The following WWOX variants were observed in gnomAD, a reference collection of about 807,000 sequenced individuals.
WWOX encodes WW domain-containing oxidoreductase.
Under a neutral mutation model 46.2 loss-of-function variants are expected in WWOX, and 69 were observed. The ratio of observed to expected loss-of-function variants is 1.49; its 90% confidence interval spans 1.23 to 1.82. The LOEUF is 1.82. Ranked by LOEUF, WWOX falls within the 40% of genes most tolerant of loss-of-function variation. The probability of loss-of-function intolerance (pLI) is 0.00; values close to 1 mark genes in which losing one functional copy is unlikely to be tolerated. For missense variants in WWOX, 919 were observed against 542.6 expected (o/e 1.69, Z -6.89); for synonymous variants, 359 against 202.6 (o/e 1.77, Z -6.56).
chr16:78,763,875 C>G (rs1355739999), intron 8 of WWOX, among the ~76,000 whole-genome samples: 1 of 152,120 alleles, frequency 6.6e-6, no homozygotes, highest in African/African-American at 2.4e-5. Flanking sequence ...TTTGGGGAGT[C>G]TGTATGCAAT....
At chr16:78,663,841 A>C (rs1400291513) in intron 8 of WWOX, among the ~76,000 whole-genome samples, 2 of 152,194 alleles carry the variant, frequency 1.3e-5, no homozygotes, top group Admixed American at 6.5e-5. Flanking sequence ...AGCAAGTGCA[A>C]AGGCCCTGGG....
At chr16:79,171,367 C>A (rs1377380834) in intron 8 of WWOX, among the ~76,000 whole-genome samples, 1 of 152,198 alleles carries the variant, frequency 6.6e-6, no homozygotes, top group Non-Finnish European at 1.5e-5. Flanking sequence ...ATTTCCCACA[C>A]TGAACAAATA....
intron 8 of WWOX, among the ~76,000 whole-genome samples, chr16:78,685,771 G>T (rs2047840903): frequency 6.6e-6 from 1 of 152,034 alleles, no homozygotes; most frequent in Non-Finnish European, 1.5e-5. Context: ...CTTGGCTTGT[G>T]TGTTTCTCCC....
intron 8 of WWOX, among the ~76,000 whole-genome samples, chr16:78,770,861 C>T (rs544154813): frequency 3.2e-4 from 48 of 152,346 alleles, no homozygotes; most frequent in African/African-American, 1.0e-3. Context: ...CATCTGTGGA[C>T]GGTTGGCACC....
chr16:78,330,205 TTTAAC>T (rs2080722257), intron 5 of WWOX, among the ~76,000 whole-genome samples: 2 of 152,310 alleles, frequency 1.3e-5, no homozygotes, highest in African/African-American at 2.4e-5. Flanking sequence ...TAATTGCTGA[TTTAAC>T]TTAATAAAAA....
At chr16:78,822,084 C>T (rs531281360) in intron 8 of WWOX, among the ~76,000 whole-genome samples, 44 of 152,088 alleles carry the variant, frequency 2.9e-4, no homozygotes, top group Middle Eastern at 3.2e-3. Flanking sequence ...AGTGCATTGG[C>T]CAGACTGACC....
intron 8 of WWOX, among the ~76,000 whole-genome samples, chr16:78,685,587 C>T (rs1019253659): frequency 3.9e-5 from 6 of 152,214 alleles, no homozygotes; most frequent in East Asian, 1.9e-4. Context: ...GCCAGCAGTA[C>T]GTACATAACT....
intron 8 of WWOX, among the ~76,000 whole-genome samples, chr16:78,522,582 A>G (rs1398964732): frequency 6.6e-6 from 1 of 152,234 alleles, no homozygotes; most frequent in Non-Finnish European, 1.5e-5. Flanking sequence ...ACACTGGGAA[A>G]TTGCTCAGTT....
chr16:78,154,944 G>A (rs918251492), intron 4 of WWOX, among the ~76,000 whole-genome samples: 2 of 152,056 alleles, frequency 1.3e-5, no homozygotes, highest in Admixed American at 1.3e-4. Context: ...GTGGCCTGGC[G>A]GGTAATGCCA....
chr16:78,965,018 A>T (rs1290420563), intron 8 of WWOX, among the ~76,000 whole-genome samples: 1 of 152,114 alleles, frequency 6.6e-6, no homozygotes, highest in African/African-American at 2.4e-5. Context: ...ATATATGGAA[A>T]CACCTGGATG....
intron 8 of WWOX, among the ~76,000 whole-genome samples, chr16:79,139,958 T>C (rs2050057721): frequency 6.6e-6 from 1 of 152,202 alleles, no homozygotes; most frequent in Admixed American, 6.5e-5. Flanking sequence ...TTCTGATCAT[T>C]TTAGCACCAA....
intron 8 of WWOX, chr16:78,994,360 A>T (rs1355456087): frequency 2.0e-5 from 3 of 152,196 alleles, no homozygotes; most frequent in Non-Finnish European, 4.4e-5. Flanking sequence ...ATGTGCTTTA[A>T]AGAAAGAAGA....
intron 8 of WWOX, among the ~76,000 whole-genome samples, chr16:78,913,556 C>T (rs1212722272): frequency 3.9e-5 from 6 of 151,932 alleles, no homozygotes; most frequent in African/African-American, 9.7e-5. Flanking sequence ...AGTCACTTGT[C>T]GATCAGAAAT....
intron 8 of WWOX, among the ~76,000 whole-genome samples, chr16:79,208,416 C>A (rs2051594943): frequency 6.6e-6 from 1 of 152,020 alleles, no homozygotes; most frequent in African/African-American, 2.4e-5. Context: ...ACCCATAGCT[C>A]CAGCCAGTGT....
intron 8 of WWOX, among the ~76,000 whole-genome samples, chr16:78,818,557 C>A (rs150127490): frequency 6.6e-6 from 1 of 152,112 alleles, no homozygotes; most frequent in African/African-American, 2.4e-5. Context: ...ACAGCGAGAC[C>A]CAATCTCTCC....
At chr16:78,411,475 A>C (rs926070854) in intron 6 of WWOX, among the ~76,000 whole-genome samples, 2 of 152,146 alleles carry the variant, frequency 1.3e-5, no homozygotes, top group Non-Finnish European at 2.9e-5. Flanking sequence ...AGACTTAATC[A>C]AGTGAGGGGC....
At chr16:78,286,854 C>T (rs541442006) in intron 5 of WWOX, among the ~76,000 whole-genome samples, 1 of 152,236 alleles carries the variant, frequency 6.6e-6, no homozygotes, top group Non-Finnish European at 1.5e-5. Flanking sequence ...AGTTTCATAA[C>T]CACTCAATAT....
chr16:78,785,778 T>C (rs2050440280), intron 8 of WWOX, among the ~76,000 whole-genome samples: 1 of 152,026 alleles, frequency 6.6e-6, no homozygotes, highest in African/African-American at 2.4e-5. Context: ...GAACTTCACT[T>C]ATCCTTCTTT....
At position 78,627,906 on chromosome 16, in the gene WWOX, C is replaced by G. The variant is rs534384100; in HGVS notation, c.1056+195154C>G. 3.3e-4 allele frequency among the ~76,000 whole-genome samples: 50 copies of G among 152,312 alleles called. No individual in the cohort carries two copies. The South Asian group carries it at 6.8e-3, about 21-fold the overall frequency. On this transcript the variant is annotated intron_variant, in intron 8 of 8. Coordinates refer to ENST00000566780, the MANE Select transcript of WWOX (RefSeq NM_016373.4). Reference sequence around the variant, plus strand: ...AAGAATCCCGTGGATTTGGCGTTGGCCAGAACTTGTCTGGAATCTTGTTTT... The same window carrying G: ...AAGAATCCCGTGGATTTGGCGTTGGGCAGAACTTGTCTGGAATCTTGTTTT...
Sources: gnomAD v4.1 joint callset for allele counts (sites outside exome capture counted in the v4.1 genomes callset) on GRCh38, gnomAD v4.1.1 for gene constraint, MANE v1.5 for transcripts, NCBI Gene and HGNC (gene_info 2026-07-23, HGNC 2026-07-21) for gene names.